The following NFIA variants were observed in gnomAD, a reference collection of about 807,000 sequenced individuals.
The protein encoded by NFIA is nuclear factor 1 A-type.
NFIA carries 8 observed loss-of-function variants against 62.8 expected under a neutral mutation model. The observed-to-expected ratio is 0.13, with a 90% CI of 0.07 to 0.23. The LOEUF (loss-of-function observed/expected upper bound fraction) is 0.23. Ranked by LOEUF, NFIA falls within the 10% of genes least tolerant of loss-of-function variation. The probability of loss-of-function intolerance (pLI) is 1.00; values close to 1 mark genes in which losing one functional copy is unlikely to be tolerated. For synonymous variants in NFIA, 235 were observed against 238.1 expected, an observed-to-expected ratio of 0.99 and a Z score of 0.12; for missense variants, 410 against 642.1, an observed-to-expected ratio of 0.64 and a Z score of 3.91.
rs1488930768 is a variant in NFIA, at chr1:61,462,455, T to C, written c.*7135T>C. 2 of 152,368 alleles carry C rather than the reference T, an allele frequency of 1.3e-5. No homozygotes were observed. The highest frequency in any genetic ancestry group is 4.1e-4 in the South Asian group (2 of 4,826). The allele number at this position is 152,368 out of a possible 1,614,324, so 9.4% of individuals were successfully genotyped here. A position where few individuals can be genotyped will look rare whatever the true frequency, so the allele number is the denominator to read the frequency against. On this transcript the variant is annotated 3_prime_UTR_variant, in exon 11 of 11. Coordinates refer to ENST00000403491, the MANE Select transcript of NFIA (RefSeq NM_001134673.4). ...TCCAGTGATGGTAAGAGATCTGTTATGAAACGAAACACCCCCCGTGTTAAT... is the reference window on the plus strand; with the variant it reads ...TCCAGTGATGGTAAGAGATCTGTTACGAAACGAAACACCCCCCGTGTTAAT...
chr1:61,391,698 G>T (rs765703301), intron 7 of NFIA, among the ~76,000 whole-genome samples: 6 of 152,164 alleles, frequency 3.9e-5, no homozygotes, highest in Non-Finnish European at 7.3e-5. Context: ...AACGTCCCCT[G>T]GCGTTTCACT....
intron 2 of NFIA, among the ~76,000 whole-genome samples, chr1:61,202,756 A>G (rs527342541): frequency 5.6e-4 from 86 of 152,296 alleles, no homozygotes; most frequent in Non-Finnish European, 9.1e-4. Context: ...ACAGGAGGAG[A>G]ATTAGCAGGA....
chr1:61,191,617 T>C (rs1397353171), intron 2 of NFIA, among the ~76,000 whole-genome samples: 1 of 152,080 alleles, frequency 6.6e-6, no homozygotes, highest in Non-Finnish European at 1.5e-5. Flanking sequence ...TGAAAAACTT[T>C]GAGAAGTTGT....
intron 4 of NFIA, among the ~76,000 whole-genome samples, chr1:61,344,694 T>A (rs554413803): frequency 6.6e-6 from 1 of 152,234 alleles, no homozygotes; most frequent in East Asian, 1.9e-4. Context: ...TTGAATTCCA[T>A]TGAATACAGC....
At chr1:61,447,270 C>T (rs925836300) in intron 10 of NFIA, among the ~76,000 whole-genome samples, 1 of 152,134 alleles carries the variant, frequency 6.6e-6, no homozygotes, top group Non-Finnish European at 1.5e-5. Flanking sequence ...GTCTTCAGAC[C>T]AGGAGCCAGC....
At chr1:61,224,210 A>C (rs1654188788) in intron 2 of NFIA, among the ~76,000 whole-genome samples, 1 of 152,138 alleles carries the variant, frequency 6.6e-6, no homozygotes, top group Non-Finnish European at 1.5e-5. Context: ...TTAACTTTTC[A>C]ATTTAATTTT....
At chr1:61,283,599 A>AAAAAGAAAAG (rs1195093362) in intron 3 of NFIA, among the ~76,000 whole-genome samples, 2 of 149,504 alleles carry the variant, frequency 1.3e-5, no homozygotes, top group Non-Finnish European at 3.0e-5. Flanking sequence ...AAAAAAAAAA[A>AAAAAGAAAAG]AAAAAAAAAG....
At chr1:61,349,073 A>C (rs555731326) in intron 4 of NFIA, among the ~76,000 whole-genome samples, 1 of 152,286 alleles carries the variant, frequency 6.6e-6, no homozygotes, top group African/African-American at 2.4e-5. Context: ...ATATTTGACT[A>C]ATCTCCCCCA....
chr1:61,091,364 T>G (rs1570130423), intron 2 of NFIA, among the ~76,000 whole-genome samples: 1 of 151,788 alleles, frequency 6.6e-6, no homozygotes, highest in Non-Finnish European at 1.5e-5. Flanking sequence ...AAAGCGGAGG[T>G]GATTTATTCT....
chr1:61,094,571 G>A (rs2100424683), intron 2 of NFIA, among the ~76,000 whole-genome samples: 1 of 152,268 alleles, frequency 6.6e-6, no homozygotes, highest in South Asian at 2.1e-4. Flanking sequence ...GCTCAGAAAA[G>A]GGGCCATGGA....
intron 10 of NFIA, among the ~76,000 whole-genome samples, chr1:61,440,563 A>G (rs570823845): frequency 1.3e-5 from 2 of 152,286 alleles, no homozygotes; most frequent in South Asian, 2.1e-4. Context: ...GTTATTAACT[A>G]TAATTCATTA....
chr1:61,173,715 A>G (rs144665161), intron 2 of NFIA, among the ~76,000 whole-genome samples: 1 of 151,672 alleles, frequency 6.6e-6, no homozygotes, highest in Non-Finnish European at 1.5e-5. Flanking sequence ...GTTTTCTCTC[A>G]CCTCTCTGGC....
At chr1:61,305,926 C>T (rs2100338618) in intron 3 of NFIA, among the ~76,000 whole-genome samples, 1 of 149,956 alleles carries the variant, frequency 6.7e-6, no homozygotes, top group African/African-American at 2.5e-5. Flanking sequence ...TGGCTCAGTA[C>T]AAGCTCCATC....
chr1:61,170,914 A>T (rs78548681), intron 2 of NFIA, among the ~76,000 whole-genome samples: 1 of 312 alleles, frequency 3.2e-3, no homozygotes, highest in African/African-American at 8.8e-3. Context: ...CAGTTTCATA[A>T]AAAAAAAAGA....
intron 6 of NFIA, among the ~76,000 whole-genome samples, chr1:61,363,421 A>G (rs1044662025): frequency 3.3e-5 from 5 of 152,156 alleles, no homozygotes; most frequent in Non-Finnish European, 5.9e-5. Context: ...CCTGACCAAC[A>G]TGGAGAAACC....
intron 4 of NFIA, among the ~76,000 whole-genome samples, chr1:61,338,203 A>C (rs1418088031): frequency 6.6e-6 from 1 of 152,176 alleles, no homozygotes; most frequent in Non-Finnish European, 1.5e-5. Context: ...TGTGAAAACC[A>C]CTCTCAGTTA....
chr1:61,266,260 T>C (rs551483209), intron 2 of NFIA, among the ~76,000 whole-genome samples: 1 of 152,048 alleles, frequency 6.6e-6, no homozygotes, highest in Admixed American at 6.6e-5. Context: ...AGTCATAGAG[T>C]CTCCTCCAAA....
chr1:61,123,608 G>T (rs900800445), intron 2 of NFIA, among the ~76,000 whole-genome samples: 3 of 152,090 alleles, frequency 2.0e-5, no homozygotes, highest in Non-Finnish European at 4.4e-5. Context: ...CGATGGAAAG[G>T]CTCCATATTC....
At chr1:61,231,053 T>A (rs1237920428) in intron 2 of NFIA, among the ~76,000 whole-genome samples, 1 of 152,238 alleles carries the variant, frequency 6.6e-6, no homozygotes, top group Non-Finnish European at 1.5e-5. Context: ...ATACTGTAGC[T>A]ACTAGTGACC....
Sources: allele counts gnomAD v4.1 joint callset (sites outside exome capture counted in the v4.1 genomes callset), GRCh38; gene constraint gnomAD v4.1.1; transcripts MANE v1.5; gene names NCBI Gene and HGNC (gene_info 2026-07-23, HGNC 2026-07-21).